The following C5 variants were observed in gnomAD, a reference collection of about 807,000 sequenced individuals.
C5 encodes the protein complement C5.
C5 carries 140 observed loss-of-function variants against 218.8 expected under a neutral mutation model. The ratio of observed to expected loss-of-function variants is 0.64; its 90% CI spans 0.56 to 0.74. The LOEUF is 0.74. Among genes scored for constraint, C5 ranks in the 30% least tolerant of loss-of-function variants. The pLI is 0.00. For synonymous variants in C5, 614 were observed against 682.3 expected (o/e 0.90, Z 1.56); for missense variants, 1,700 against 1,969.6 (o/e 0.86, Z 2.59).
At chr9:120,966,209 C>CA (rs1420287374) in intron 33 of C5, among the ~76,000 whole-genome samples, 4 of 152,162 alleles carry the variant, frequency 2.6e-5, no homozygotes, top group African/African-American at 9.7e-5. Flanking sequence ...ATTTTGTCCC[C>CA]AATTTGTAAA....
In C5 at chr9:120,952,785, G is replaced by A. The variant is rs2046754353; in HGVS notation, c.4985C>T (p.Ala1662Val). 1.2e-6 allele frequency: 2 copies of A among 1,613,780 alleles called. No homozygotes were observed. The highest frequency in any genetic ancestry group is 1.7e-5 in the Admixed American group (1 of 60,018). ...TTCSSCQAFL[A>V]NLDEFAEDIF... ...ATCTTCGGCAAATTCATCTAAATTA[G>A]CTAAAAATGCTTGACACGATGAACA... Residue 1662 changes from alanine to valine, a missense_variant, in exon 41 of 41, where the codon GCT becomes GTT. Transcript: ENST00000223642.
At chr9:121,000,533 A>T (rs532724942) in intron 20 of C5, among the ~76,000 whole-genome samples, 1 of 152,328 alleles carries the variant, frequency 6.6e-6, no homozygotes, top group East Asian at 1.9e-4. Context: ...GACATTTTAA[A>T]TCAGTTGGAA....
At chr9:120,953,085 G>A (rs1338110691) in intron 40 of C5, among the ~76,000 whole-genome samples, 1 of 152,060 alleles carries the variant, frequency 6.6e-6, no homozygotes, top group Non-Finnish European at 1.5e-5. Context: ...CACCACGCCC[G>A]GCTATTTTTT....
At chr9:120,965,224 C>T (rs2131673318) in intron 33 of C5, among the ~76,000 whole-genome samples, 1 of 152,188 alleles carries the variant, frequency 6.6e-6, no homozygotes, top group African/African-American at 2.4e-5. Context: ...CCTCATAGAG[C>T]ATATATAATG....
chr9:120,990,813 G>A (rs942518740), intron 23 of C5, among the ~76,000 whole-genome samples: 9 of 152,238 alleles, frequency 5.9e-5, no homozygotes, highest in Non-Finnish European at 4.4e-5. Context: ...CTTCAGCAGA[G>A]CAGTGCTGTT....
chr9:120,977,894 A>G (rs575896142), intron 28 of C5, among the ~76,000 whole-genome samples: 5 of 152,198 alleles, frequency 3.3e-5, no homozygotes, highest in Non-Finnish European at 5.9e-5. Flanking sequence ...ATTTCCTAAT[A>G]CCTATAGTAT....
chr9:120,978,833 G>C (rs944578867), intron 28 of C5, among the ~76,000 whole-genome samples: 6 of 152,042 alleles, frequency 3.9e-5, no homozygotes, highest in African/African-American at 1.4e-4. Context: ...ATCCCCCAGT[G>C]GCTCCCCTTT....
At chr9:121,031,349 A>C (rs755873219) in intron 6 of C5, among the ~76,000 whole-genome samples, 17 of 152,206 alleles carry the variant, frequency 1.1e-4, no homozygotes, top group Non-Finnish European at 1.3e-4. Flanking sequence ...GCCAGAAAAT[A>C]GTGTTGGACT....
intron 25 of C5, among the ~76,000 whole-genome samples, chr9:120,985,581 C>T (rs2047027128): frequency 1.3e-5 from 2 of 151,974 alleles, no homozygotes; most frequent in African/African-American, 4.8e-5. Flanking sequence ...AGAATATATA[C>T]TATGTGATAT....
At chr9:121,017,245 G>T in intron 14 of C5, 117 bp downstream of exon 14, 1 of 1,187,772 alleles carries the variant, frequency 8.4e-7, no homozygotes. Flanking sequence ...TCCTAAAAAT[G>T]AGTATGTTGA....
intron 3 of C5, among the ~76,000 whole-genome samples, chr9:121,038,243 G>A (rs931806263): frequency 2.0e-5 from 3 of 152,138 alleles, no homozygotes; most frequent in Non-Finnish European, 2.9e-5. Flanking sequence ...AACATTCACA[G>A]TATGAAATTA....
chr9:121,052,828 T>A (rs1466462924), upstream of C5, among the ~76,000 whole-genome samples: 1 of 152,260 alleles, frequency 6.6e-6, no homozygotes, highest in Non-Finnish European at 1.5e-5. Context: ...TTAGTTATTT[T>A]GTACTTACTT....
At position 120,952,761 on chromosome 9, in the gene C5, T is replaced by C; in HGVS notation, c.5009A>G (p.Asp1670Gly). ...ATTTTAGCATCCATTTAAAAAGATA[T>C]CTTCGGCAAATTCATCTAAATTAGC... ...FLANLDEFAEDIFLNGC is the reference protein window; with the variant it reads ...FLANLDEFAEGIFLNGC The change falls in exon 41 of 41, where the codon GAT (aspartate) becomes GGT (glycine). Residue 1670 changes from aspartate to glycine, a missense_variant. By Grantham distance (94) the Asp-to-Gly change is moderately conservative (BLOSUM62 -1). Transcript: ENST00000223642. The C allele has an allele frequency of 6.2e-7, 1 of 1,613,622 alleles. No homozygotes were observed. Among genetic ancestry groups the C allele is most frequent in the Non-Finnish European group, 8.5e-7 (1 of 1,179,816 alleles).
Position 121,032,180 on chromosome 9 carries a change from C to T in C5, c.600G>A (p.Thr200=), listed in dbSNP as rs369786622. The T allele has an allele frequency of 6.4e-5, 103 of 1,600,728 alleles. 1 individual carries two copies. Among genetic ancestry groups the T allele is most frequent in the Admixed American group, 1.7e-4 (10 of 59,986 alleles). Residue 200 remains threonine, a synonymous_variant, in exon 6 of 41, where the codon ACG becomes ACA. Coordinates refer to ENST00000223642, the MANE Select transcript of C5 (RefSeq NM_001735.3). ...IPSNPRYGMW[T]IKAKYKEDFS... ...AGTCCTCTTTATATTTAGCCTTGAT[C>T]GTCCACATACCATATCTGTGGAAGC...
At chr9:121,072,784 T>C in the C5 span, among the ~76,000 whole-genome samples, 76 of 132,972 alleles carry the variant, frequency 5.7e-4, no homozygotes, top group African/African-American at 2.1e-3. Context: ...CCAGCCTGGG[T>C]GACAGAGCCA....
At position 120,960,356 on chromosome 9, in the gene C5, G is replaced by A; in HGVS notation, c.4589-19C>T. On this transcript the variant is annotated intron_variant, in intron 37 of 40. Transcript: ENST00000223642. Reference sequence around the variant, plus strand: ...CAATCAGCTGGATTTTGTGAAAATTGGTAAAAATAAGGTTAATGGAAAGAA... The same window carrying A: ...CAATCAGCTGGATTTTGTGAAAATTAGTAAAAATAAGGTTAATGGAAAGAA... 1 of 1,570,820 alleles carries A rather than the reference G, an allele frequency of 6.4e-7. No individual in the cohort carries two copies. Among genetic ancestry groups the A allele is most frequent in the Non-Finnish European group, 8.8e-7 (1 of 1,142,380 alleles).
At chr9:120,981,749 A>C (rs2046995226) in intron 27 of C5, 95 bp downstream of exon 27, 1 of 795,208 alleles carries the variant, frequency 1.3e-6, no homozygotes. Flanking sequence ...AAGGAAAAGA[A>C]GCTTTTGAAA....
chr9:120,980,011 C>A (rs781168165), intron 28 of C5, 72 bp downstream of exon 28: 51 of 1,387,216 alleles, frequency 3.7e-5, no homozygotes, highest in Non-Finnish European at 5.1e-5. Context: ...CATGTCACCA[C>A]CCACTTCCCA....
the C5 span, among the ~76,000 whole-genome samples, chr9:121,059,004 A>G: frequency 6.6e-6 from 1 of 152,226 alleles, no homozygotes; most frequent in Non-Finnish European, 1.5e-5. The surrounding 1 kb of genome is among the most constrained non-coding windows in gnomAD (Gnocchi z 4.1). Context: ...TGAGAGGTGG[A>G]AAGAGTCAGA....
Sources: gnomAD v4.1 joint callset for allele counts (sites outside exome capture counted in the v4.1 genomes callset) on GRCh38, gnomAD v4.1.1 for gene constraint, Gnocchi (gnomAD v3.1) non-coding constraint, MANE v1.5 for transcripts, NCBI Gene and HGNC (gene_info 2026-07-23, HGNC 2026-07-21) for gene names.